The following PRELID2 variants were observed in gnomAD, a reference collection of about 807,000 sequenced individuals.
PRELID2 encodes PRELI domain containing 2.
PRELID2 carries 25 observed loss-of-function variants against 28.4 expected under a neutral mutation model. The observed-to-expected ratio is 0.88, with a 90% CI of 0.64 to 1.23. The LOEUF is 1.23. PRELID2 is among the 50% of genes most tolerant of loss of function. The probability of loss-of-function intolerance (pLI) is 0.00; values close to 1 mark genes in which losing one functional copy is unlikely to be tolerated. For synonymous variants in PRELID2, 76 were observed against 71.6 expected, an observed-to-expected ratio of 1.06 and a Z score of -0.31; for missense variants, 201 against 214.4, an observed-to-expected ratio of 0.94 and a Z score of 0.39.
chr5:145,812,232 G>A (rs1198063865), intron 4 of PRELID2, among the ~76,000 whole-genome samples: 2 of 151,878 alleles, frequency 1.3e-5, no homozygotes, highest in Non-Finnish European at 2.9e-5. Context: ...GCTGATCCTA[G>A]ATGATGTTGA....
intron 1 of PRELID2, among the ~76,000 whole-genome samples, chr5:145,488,140 A>AAAAAT (rs1752237322): frequency 6.6e-6 from 1 of 151,610 alleles, no homozygotes; most frequent in Non-Finnish European, 1.5e-5. Context: ...AAAAAAAAAA[A>AAAAAT]AGGAATTGGA....
At chr5:145,417,317 G>C in the PRELID2 span, among the ~76,000 whole-genome samples, 3 of 152,014 alleles carry the variant, frequency 2.0e-5, no homozygotes, top group Admixed American at 6.6e-5. Context: ...TCTACCAAAG[G>C]TACAAAGAAG....
intron 1 of PRELID2, among the ~76,000 whole-genome samples, chr5:145,721,060 T>C (rs1581097392): frequency 6.6e-6 from 1 of 152,218 alleles, no homozygotes; most frequent in East Asian, 1.9e-4. Context: ...CCAAAAAATA[T>C]AGCAGCAAGA....
intron 5 of PRELID2, among the ~76,000 whole-genome samples, chr5:145,794,528 G>A (rs950546357): frequency 4.6e-5 from 7 of 152,130 alleles, no homozygotes; most frequent in African/African-American, 1.7e-4. Flanking sequence ...TTTAAGTCCA[G>A]ACTCCACCCT....
the PRELID2 span, chr5:145,429,829 G>A: frequency 6.6e-6 from 1 of 152,140 alleles, no homozygotes; most frequent in Non-Finnish European, 1.5e-5. Flanking sequence ...CCTAAGCCTA[G>A]AGAGGCCTGG....
At chr5:145,276,920 T>C in the PRELID2 span, among the ~76,000 whole-genome samples, 14 of 152,074 alleles carry the variant, frequency 9.2e-5, no homozygotes, top group Non-Finnish European at 2.9e-5. Context: ...AGAGCTGAGG[T>C]TGATGGATGT....
intron 1 of PRELID2, among the ~76,000 whole-genome samples, chr5:145,571,477 T>C (rs1753014440): frequency 6.6e-6 from 1 of 152,186 alleles, no homozygotes; most frequent in Non-Finnish European, 1.5e-5. Flanking sequence ...CAGCATCACA[T>C]GACAGATAGC....
At chr5:145,556,689 C>A (rs569792039) in intron 1 of PRELID2, among the ~76,000 whole-genome samples, 1 of 152,302 alleles carries the variant, frequency 6.6e-6, no homozygotes, top group Admixed American at 6.5e-5. Context: ...CTCAAAAGAG[C>A]CGACAAGGCC....
At chr5:145,425,570 C>T in the PRELID2 span, among the ~76,000 whole-genome samples, 77 of 152,242 alleles carry the variant, frequency 5.1e-4, no homozygotes, top group African/African-American at 1.8e-3. Context: ...GAATACTATG[C>T]AGCCATAAAA....
At chr5:145,712,195 C>A (rs1755713297) in intron 1 of PRELID2, among the ~76,000 whole-genome samples, 1 of 152,174 alleles carries the variant, frequency 6.6e-6, no homozygotes, top group South Asian at 2.1e-4. Context: ...ATGTTAAATA[C>A]CTGCACTATT....
At chr5:145,770,786 AAG>A (rs1758053405) in intron 5 of PRELID2, among the ~76,000 whole-genome samples, 1 of 152,240 alleles carries the variant, frequency 6.6e-6, no homozygotes, top group Non-Finnish European at 1.5e-5. Flanking sequence ...TTTCTAGAAT[AAG>A]GATATAAAGC....
the PRELID2 span, among the ~76,000 whole-genome samples, chr5:145,354,697 G>T: frequency 6.6e-6 from 1 of 152,088 alleles, no homozygotes; most frequent in South Asian, 2.1e-4. Context: ...TAACAAAAAA[G>T]GTAGGTTTCC....
intron 1 of PRELID2, among the ~76,000 whole-genome samples, chr5:145,607,286 A>G (rs1309180417): frequency 6.6e-6 from 1 of 152,030 alleles, no homozygotes; most frequent in Non-Finnish European, 1.5e-5. Flanking sequence ...GTCTTCTGCT[A>G]ACTTTGAGGT....
At chr5:145,468,095 T>G (rs1422698818), downstream of PRELID2, among the ~76,000 whole-genome samples, 1 of 152,062 alleles carries the variant, frequency 6.6e-6, no homozygotes, top group Non-Finnish European at 1.5e-5. Context: ...GGCCCCAGTG[T>G]GTGATGTTCC....
intron 1 of PRELID2, among the ~76,000 whole-genome samples, chr5:145,618,337 A>C (rs1246943301): frequency 6.6e-6 from 1 of 152,154 alleles, no homozygotes; most frequent in Non-Finnish European, 1.5e-5. Context: ...TCTAGGGCTG[A>C]AGGCTGTTGT....
chr5:145,269,440 A>G, the PRELID2 span, among the ~76,000 whole-genome samples: 1 of 152,004 alleles, frequency 6.6e-6, no homozygotes, highest in African/African-American at 2.4e-5. Flanking sequence ...GGCTATCCAT[A>G]TAGGAAAAAC....
chr5:145,514,318 C>CAAAAAAAAAAAAAAAAAAAA (rs55760860), intron 1 of PRELID2, among the ~76,000 whole-genome samples: 13 of 67,468 alleles, frequency 1.9e-4, no homozygotes, highest in African/African-American at 2.3e-4. Flanking sequence ...AAATGGAAAG[C>CAAAAAAAAAAAAAAAAAAAA]AAAAAAAAAA....
chr5:145,517,993 G>C (rs1752530949), intron 1 of PRELID2, among the ~76,000 whole-genome samples: 1 of 152,048 alleles, frequency 6.6e-6, no homozygotes, highest in South Asian at 2.1e-4. Flanking sequence ...GCCTGTCAGT[G>C]GGTGGTGGGC....
intron 1 of PRELID2, among the ~76,000 whole-genome samples, chr5:145,747,871 C>A (rs532250416): frequency 2.8e-4 from 42 of 152,254 alleles, no homozygotes; most frequent in Middle Eastern, 3.4e-3. Context: ...AATCAATAAA[C>A]AAAATCCATC....
Sources: allele counts gnomAD v4.1 joint callset (sites outside exome capture counted in the v4.1 genomes callset), GRCh38; gene constraint gnomAD v4.1.1; transcripts MANE v1.5; gene names NCBI Gene and HGNC (gene_info 2026-07-23, HGNC 2026-07-21).